FRMD5: variants seen among roughly 807,000 people sequenced by gnomAD.
The protein encoded by FRMD5 is FERM domain-containing protein 5.
FRMD5 carries 20 observed loss-of-function variants against 69.0 expected under a neutral mutation model. The ratio of observed to expected loss-of-function variants is 0.29; its 90% CI spans 0.20 to 0.42. The LOEUF is 0.42. Ranked by LOEUF, FRMD5 falls within the 10% of genes least tolerant of loss-of-function variation. FRMD5 has a pLI of 1.00. For missense variants in FRMD5, 595 were observed against 708.6 expected (o/e 0.84, Z 1.82); for synonymous variants, 271 against 260.1 (o/e 1.04, Z -0.40).
At chr15:43,956,304 C>G (rs1036533353) in intron 1 of FRMD5, among the ~76,000 whole-genome samples, 9 of 152,150 alleles carry the variant, frequency 5.9e-5, no homozygotes, top group Non-Finnish European at 1.5e-5. Context: ...AATCCAGACA[C>G]AGCTTTTTTT....
chr15:44,199,226 C>T (rs563286019), upstream of FRMD5, among the ~76,000 whole-genome samples: 33 of 152,236 alleles, frequency 2.2e-4, no homozygotes, highest in South Asian at 5.4e-3. Context: ...AGCTATAACT[C>T]CTAACAATAT....
Position 44,134,511 on chromosome 15 carries a change from T to C in FRMD5, c.102+60442A>G, listed in dbSNP as rs150822709. 4.7e-3 allele frequency among the ~76,000 whole-genome samples: 712 copies of C among 152,242 alleles called. 11 individuals are homozygous for C. The highest frequency in any genetic ancestry group is 0.016 in the African/African-American group (680 of 41,544). On this transcript the variant is annotated intron_variant, in intron 1 of 13. Transcript: ENST00000417257. ...TCACCCAGACTGGAGTGCAGTGGCATGATCTCAGCTCACTGCAACCTCCGC... is the reference window on the plus strand; with the variant it reads ...TCACCCAGACTGGAGTGCAGTGGCACGATCTCAGCTCACTGCAACCTCCGC...
At chr15:44,106,990 T>C (rs2076729189) in intron 1 of FRMD5, among the ~76,000 whole-genome samples, 1 of 152,218 alleles carries the variant, frequency 6.6e-6, no homozygotes, top group African/African-American at 2.4e-5. Flanking sequence ...AAAATATGCA[T>C]CAATTCAAGA....
intron 1 of FRMD5, among the ~76,000 whole-genome samples, chr15:44,034,679 GC>G (rs1411670777): frequency 6.6e-6 from 1 of 152,172 alleles, no homozygotes; most frequent in Non-Finnish European, 1.5e-5. Flanking sequence ...CTAAGTCTGT[GC>G]CCCAACCTCC....
chr15:43,943,409 A>G (rs1409510915), intron 1 of FRMD5, among the ~76,000 whole-genome samples: 2 of 152,212 alleles, frequency 1.3e-5, no homozygotes, highest in African/African-American at 4.8e-5. Flanking sequence ...TTAAGGATTA[A>G]GTAGGCCCAG....
upstream of FRMD5, among the ~76,000 whole-genome samples, chr15:44,197,772 A>G (rs917175235): frequency 6.6e-6 from 1 of 152,196 alleles, no homozygotes; most frequent in African/African-American, 2.4e-5. Flanking sequence ...TATAGAATCA[A>G]CAAGAGCAAG....
chr15:44,000,536 C>T (rs914648616), intron 1 of FRMD5, among the ~76,000 whole-genome samples: 8 of 151,204 alleles, frequency 5.3e-5, no homozygotes, highest in African/African-American at 1.5e-4. Flanking sequence ...CTCGGCTCAC[C>T]GCAACCTCTG....
intron 1 of FRMD5, among the ~76,000 whole-genome samples, chr15:44,128,472 C>T (rs1339910492): frequency 6.6e-6 from 1 of 151,960 alleles, no homozygotes; most frequent in Non-Finnish European, 1.5e-5. Context: ...AGCAAAATTC[C>T]ATCTCAAAAA....
At chr15:43,916,529 G>A (rs7180583) in intron 4 of FRMD5, among the ~76,000 whole-genome samples, 1,572 of 152,318 alleles carry the variant, frequency 0.01, 24 homozygotes, top group African/African-American at 0.036. Context: ...ATTAAGAAGT[G>A]TAAGAGGCCG....
At chr15:43,988,666 TA>T (rs1345602457) in intron 1 of FRMD5, among the ~76,000 whole-genome samples, 2 of 151,946 alleles carry the variant, frequency 1.3e-5, no homozygotes, top group African/African-American at 2.4e-5. Flanking sequence ...AGGCAAAGAT[TA>T]AAAAAAGTTG....
At chr15:44,093,301 G>T (rs187026950) in intron 1 of FRMD5, among the ~76,000 whole-genome samples, 98 of 151,562 alleles carry the variant, frequency 6.5e-4, no homozygotes, top group African/African-American at 2.3e-3. Context: ...GTATTTTTAG[G>T]AATGTACATA....
intron 1 of FRMD5, among the ~76,000 whole-genome samples, chr15:44,155,901 C>A (rs1228909239): frequency 1.3e-5 from 2 of 151,592 alleles, no homozygotes; most frequent in Non-Finnish European, 2.9e-5. Flanking sequence ...GGCTCCTCCC[C>A]AAACATATTT....
chr15:44,164,147 C>T (rs1165396018), intron 1 of FRMD5, among the ~76,000 whole-genome samples: 1 of 152,184 alleles, frequency 6.6e-6, no homozygotes, highest in Non-Finnish European at 1.5e-5. Flanking sequence ...TTCAGCCCCA[C>T]TCCCTTCCAG....
chr15:43,909,803 G>T (rs764438706), intron 5 of FRMD5, 79 bp downstream of exon 5: 71 of 802,232 alleles, frequency 8.9e-5, no homozygotes, highest in Non-Finnish European at 1.3e-4. Flanking sequence ...GATTCAAGAA[G>T]GAGTCATCAG....
intron 2 of FRMD5, among the ~76,000 whole-genome samples, chr15:43,921,050 C>T (rs1485939993): frequency 6.6e-6 from 1 of 152,214 alleles, no homozygotes; most frequent in Middle Eastern, 3.2e-3. Context: ...TGAGTTCCCA[C>T]GAGGCTGGCA....
chr15:44,006,101 G>C (rs187603561), intron 1 of FRMD5, among the ~76,000 whole-genome samples: 1 of 152,300 alleles, frequency 6.6e-6, no homozygotes, highest in Non-Finnish European at 1.5e-5. Context: ...AGGACAGGCT[G>C]ACTCAGATTA....
intron 1 of FRMD5, among the ~76,000 whole-genome samples, chr15:44,164,292 T>C (rs1261385079): frequency 6.6e-6 from 1 of 152,210 alleles, no homozygotes; most frequent in Non-Finnish European, 1.5e-5. Context: ...AAGCACTTTT[T>C]TTTGCATTAT....
chr15:44,116,555 C>T (rs2076871202), intron 1 of FRMD5, among the ~76,000 whole-genome samples: 1 of 152,050 alleles, frequency 6.6e-6, no homozygotes, highest in Non-Finnish European at 1.5e-5. Flanking sequence ...ATGTTGTTGC[C>T]AGCATAATAC....
At chr15:44,104,515 T>A (rs1424442375) in intron 1 of FRMD5, among the ~76,000 whole-genome samples, 1 of 152,234 alleles carries the variant, frequency 6.6e-6, no homozygotes, top group Non-Finnish European at 1.5e-5. Flanking sequence ...CTATTCATGG[T>A]AAGTGTCCCA....
Sources: allele counts gnomAD v4.1 joint callset (sites outside exome capture counted in the v4.1 genomes callset), GRCh38; gene constraint gnomAD v4.1.1; transcripts MANE v1.5; gene names NCBI Gene and HGNC (gene_info 2026-07-23, HGNC 2026-07-21).